PTPRC: variants seen among roughly 807,000 people sequenced by gnomAD.
PTPRC encodes protein tyrosine phosphatase receptor type C.
A neutral mutation model predicts 155.9 loss-of-function variants in PTPRC; 44 were observed. That is an observed-to-expected ratio of 0.28 (90% CI 0.22 to 0.36). PTPRC has a LOEUF of 0.36. Ranked by LOEUF, PTPRC falls within the 10% of genes least tolerant of loss-of-function variation. The probability of loss-of-function intolerance (pLI) is 1.00; values close to 1 mark genes in which losing one functional copy is unlikely to be tolerated. For synonymous variants in PTPRC, 525 were observed against 533.1 expected, an observed-to-expected ratio of 0.98 and a Z score of 0.21; for missense variants, 1,401 against 1,564.6, an observed-to-expected ratio of 0.90 and a Z score of 1.76.
intron 2 of PTPRC, among the ~76,000 whole-genome samples, chr1:198,661,274 A>C (rs777222658): frequency 1.8e-4 from 27 of 150,902 alleles, no homozygotes; most frequent in Non-Finnish European, 3.7e-4. Context: ...ATATATATTT[A>C]TTGTAAAATA....
intron 15 of PTPRC, among the ~76,000 whole-genome samples, chr1:198,725,222 T>TG (rs1654079057): frequency 1.3e-5 from 2 of 152,310 alleles, no homozygotes; most frequent in South Asian, 4.1e-4. Context: ...CTATTAGTCA[T>TG]AAAACTCATA....
chr1:198,647,971 G>T (rs1663026301), intron 2 of PTPRC, among the ~76,000 whole-genome samples: 1 of 151,456 alleles, frequency 6.6e-6, no homozygotes, highest in African/African-American at 2.4e-5. Context: ...GATAATTATT[G>T]GTGTTATCAA....
intron 15 of PTPRC, among the ~76,000 whole-genome samples, chr1:198,727,064 T>C (rs1228255008): frequency 2.0e-5 from 3 of 152,066 alleles, no homozygotes; most frequent in Admixed American, 2.0e-4. Flanking sequence ...TTTCACCATG[T>C]TGGCCAGGCT....
intron 23 of PTPRC, among the ~76,000 whole-genome samples, chr1:198,737,269 C>T (rs1654689108): frequency 6.6e-6 from 1 of 151,614 alleles, no homozygotes; most frequent in African/African-American, 2.4e-5. Flanking sequence ...TTTGCACAAA[C>T]CAATGCCCTG....
intron 28 of PTPRC, 110 bp downstream of exon 28, chr1:198,749,659 A>G: frequency 1.9e-6 from 2 of 1,027,938 alleles, no homozygotes; most frequent in Non-Finnish European, 2.9e-6. Flanking sequence ...GCTTGGTCAT[A>G]ACTACATATA....
At chr1:198,712,904 A>G in intron 11 of PTPRC, 49 bp from the exon 12 acceptor site, 3 of 1,552,160 alleles carry the variant, frequency 1.9e-6, no homozygotes, top group Non-Finnish European at 2.7e-6. Context: ...AGAATGCTTT[A>G]TCCATGTCTT....
Position 198,718,030 on chromosome 1 carries a change from T to C in PTPRC, c.1451-64T>C, listed in dbSNP as rs45541438. 45,857 of 1,311,898 alleles carry C rather than the reference T, an allele frequency of 0.035. 2,098 individuals are homozygous for C. The highest frequency in any genetic ancestry group is 0.22 in the East Asian group (8,977 of 40,710). The allele number at this position is 1,311,898 out of a possible 1,614,324, so 81.3% of individuals were successfully genotyped here. A position where few individuals can be genotyped will look rare whatever the true frequency, so the allele number is the denominator to read the frequency against. On this transcript the variant is annotated intron_variant, in intron 13 of 32. Transcript: ENST00000442510. ...AATACTTTATACTATATCCAAGTAT[T>C]GTCAAGTAATTTACATATGCATCTA...
intron 2 of PTPRC, among the ~76,000 whole-genome samples, chr1:198,662,823 C>T (rs1296647407): frequency 6.6e-6 from 1 of 152,178 alleles, no homozygotes; most frequent in Non-Finnish European, 1.5e-5. Flanking sequence ...ATAACTGTCA[C>T]ACTTAAATGT....
At chr1:198,678,142 C>A (rs1267411267) in intron 2 of PTPRC, among the ~76,000 whole-genome samples, 3 of 152,152 alleles carry the variant, frequency 2.0e-5, no homozygotes, top group Non-Finnish European at 4.4e-5. Flanking sequence ...ACCATAGGCA[C>A]AAACTATAGC....
chr1:198,732,181 T>G (rs1214123750), intron 18 of PTPRC, 119 bp from the exon 19 acceptor site: 1 of 850,042 alleles, frequency 1.2e-6, no homozygotes, highest in Non-Finnish European at 1.9e-6. Context: ...AGCAAATTTT[T>G]TTATCAATAT....
intron 8 of PTPRC, among the ~76,000 whole-genome samples, chr1:198,705,382 C>A (rs1652893128): frequency 6.6e-6 from 1 of 151,844 alleles, no homozygotes; most frequent in Non-Finnish European, 1.5e-5. Context: ...AATATGGAAC[C>A]ACTTTCAGTT....
At chr1:198,727,492 T>C (rs575268230) in intron 15 of PTPRC, among the ~76,000 whole-genome samples, 183 of 152,260 alleles carry the variant, frequency 1.2e-3, no homozygotes, top group African/African-American at 4.3e-3. Flanking sequence ...TAGTACTTAC[T>C]ACTTCCCAGC....
intron 2 of PTPRC, chr1:198,679,435 T>C (rs1296868416): frequency 6.9e-6 from 1 of 145,356 alleles, no homozygotes; most frequent in African/African-American, 2.6e-5. Context: ...GTATTTTTAG[T>C]AGAGACGGGG....
chr1:198,660,990 A>G (rs1310097245), intron 2 of PTPRC, among the ~76,000 whole-genome samples: 1 of 152,096 alleles, frequency 6.6e-6, no homozygotes, highest in Non-Finnish European at 1.5e-5. Flanking sequence ...AAGAAGCCTT[A>G]GAGGTGACTA....
chr1:198,754,487 C>T (rs1655535564), intron 32 of PTPRC, 83 bp downstream of exon 32: 1 of 1,488,140 alleles, frequency 6.7e-7, no homozygotes, highest in African/African-American at 1.4e-5. Context: ...TTTCTCCTCT[C>T]CTTTCCTCTC....
intron 2 of PTPRC, among the ~76,000 whole-genome samples, chr1:198,671,808 T>C (rs977007878): frequency 6.6e-6 from 1 of 152,210 alleles, no homozygotes; most frequent in African/African-American, 2.4e-5. Context: ...CCTTTTCCCT[T>C]AACTCAGCAT....
chr1:198,668,892 T>C (rs1664482827), intron 2 of PTPRC, among the ~76,000 whole-genome samples: 1 of 152,146 alleles, frequency 6.6e-6, no homozygotes, highest in Non-Finnish European at 1.5e-5. Flanking sequence ...CTGCCATCTA[T>C]CCATGGAAGC....
At chr1:198,724,318 T>A (rs1184943757) in intron 15 of PTPRC, among the ~76,000 whole-genome samples, 1 of 152,188 alleles carries the variant, frequency 6.6e-6, no homozygotes, top group African/African-American at 2.4e-5. Context: ...TTCCCCGGCA[T>A]AATATTCCAC....
At chr1:198,657,604 C>T (rs951153489) in intron 2 of PTPRC, 9 of 152,240 alleles carry the variant, frequency 5.9e-5, no homozygotes, top group African/African-American at 1.7e-4. Flanking sequence ...TGACTGGGCC[C>T]GGAAGCAGAA....
Sources: allele counts gnomAD v4.1 joint callset (sites outside exome capture counted in the v4.1 genomes callset), GRCh38; gene constraint gnomAD v4.1.1; transcripts MANE v1.5; gene names NCBI Gene and HGNC (gene_info 2026-07-23, HGNC 2026-07-21).